Variants in TWSG1 observed in about 807,000 individuals in gnomAD.
TWSG1 encodes the protein twisted gastrulation protein homolog 1.
In TWSG1, 15 loss-of-function variants were observed where a neutral mutation model predicts 23.0. The ratio of observed to expected loss-of-function variants is 0.65; its 90% CI spans 0.44 to 1.00. The LOEUF is 1.00. TWSG1 is among the 50% of genes least tolerant of loss of function. The pLI is 0.00. For missense variants in TWSG1, 242 were observed against 278.7 expected (o/e 0.87, Z 0.94); for synonymous variants, 86 against 92.8 (o/e 0.93, Z 0.42).
At chr18:9,376,082 T>C (rs1010232421) in intron 3 of TWSG1, among the ~76,000 whole-genome samples, 4 of 152,002 alleles carry the variant, frequency 2.6e-5, no homozygotes, top group African/African-American at 9.7e-5. Flanking sequence ...GCCCAGCTAA[T>C]TTTTTTGTAT....
intron 2 of TWSG1, among the ~76,000 whole-genome samples, chr18:9,340,917 T>C (rs767076734): frequency 6.6e-6 from 1 of 152,232 alleles, no homozygotes; most frequent in Non-Finnish European, 1.5e-5. Context: ...TGGCCACGTA[T>C]TGGACATTGA....
At chr18:9,350,419 A>G (rs1397695784) in intron 2 of TWSG1, among the ~76,000 whole-genome samples, 2 of 152,200 alleles carry the variant, frequency 1.3e-5, no homozygotes, top group South Asian at 4.1e-4. Context: ...TCAAACATAC[A>G]TAAAGTAGGA....
chr18:9,344,241 C>G (rs1282152282), intron 2 of TWSG1, among the ~76,000 whole-genome samples: 4 of 152,088 alleles, frequency 2.6e-5, no homozygotes, highest in Non-Finnish European at 2.9e-5. Flanking sequence ...TTGTATATAC[C>G]TAGGAGTAGA....
chr18:9,340,383 A>G (rs982749438), intron 2 of TWSG1, among the ~76,000 whole-genome samples: 7 of 151,194 alleles, frequency 4.6e-5, no homozygotes, highest in East Asian at 1.9e-4. Flanking sequence ...AAAAAAAAAA[A>G]AAAAAAAGAA....
At chr18:9,394,914 A>C (rs2040728019) in intron 3 of TWSG1, among the ~76,000 whole-genome samples, 2 of 152,318 alleles carry the variant, frequency 1.3e-5, no homozygotes, top group Admixed American at 1.3e-4. Context: ...AAAAATTGGC[A>C]TACAGCCCTC....
intron 3 of TWSG1, among the ~76,000 whole-genome samples, chr18:9,361,493 GA>G (rs1408918271): frequency 6.6e-6 from 1 of 152,164 alleles, no homozygotes; most frequent in African/African-American, 2.4e-5. Flanking sequence ...TTTGCCTCAC[GA>G]AAAGGTGGTT....
chr18:9,370,079 G>A (rs2040597481), intron 3 of TWSG1, among the ~76,000 whole-genome samples: 1 of 152,088 alleles, frequency 6.6e-6, no homozygotes, highest in South Asian at 2.1e-4. Context: ...CAGCATTTTG[G>A]GAGGCTGAGG....
chr18:9,387,729 C>T (rs935577968), intron 3 of TWSG1, among the ~76,000 whole-genome samples: 1 of 147,792 alleles, frequency 6.8e-6, no homozygotes, highest in Non-Finnish European at 1.5e-5. Flanking sequence ...GAGATCGTGC[C>T]ATTGTACTCT....
At position 9,396,403 on chromosome 18, in the gene TWSG1, G is replaced by C; in HGVS notation, c.347G>C (p.Trp116Ser). The C allele has an allele frequency of 6.2e-7, 1 of 1,614,144 alleles. No homozygotes were observed. Among genetic ancestry groups the C allele is most frequent in the Non-Finnish European group, 8.5e-7 (1 of 1,180,030 alleles). ...ACAGAAGGAGATACTCAGTTGAATT[G>C]GAACATCGTTTCTTTCCCTGTTGCA... ...ALTEGDTQLN[W>S]NIVSFPVAEE... Residue 116 changes from tryptophan (W) to serine (S), a missense_variant, in exon 4 of 5, where the codon TGG becomes TCG. By Grantham distance (177) the Trp-to-Ser change is radical. Transcript: ENST00000262120.
intron 2 of TWSG1, among the ~76,000 whole-genome samples, chr18:9,350,401 G>A (rs1273892146): frequency 3.3e-5 from 5 of 152,066 alleles, no homozygotes; most frequent in African/African-American, 9.7e-5. Flanking sequence ...TGGGACACAC[G>A]GACATTTTCA....
At chr18:9,361,129 C>A (rs2040550574) in intron 3 of TWSG1, among the ~76,000 whole-genome samples, 1 of 152,130 alleles carries the variant, frequency 6.6e-6, no homozygotes, top group Admixed American at 6.5e-5. Flanking sequence ...CATTATCTGT[C>A]TTTCTGTATT....
At chr18:9,363,034 C>G (rs552903288) in intron 3 of TWSG1, among the ~76,000 whole-genome samples, 8 of 152,308 alleles carry the variant, frequency 5.3e-5, no homozygotes, top group African/African-American at 1.9e-4. Context: ...CCTGCCGCTG[C>G]TCCTCCTTCC....
chr18:9,335,660 C>T (rs2040419647), intron 1 of TWSG1, among the ~76,000 whole-genome samples: 3 of 152,280 alleles, frequency 2.0e-5, no homozygotes, highest in Middle Eastern at 3.4e-3. Flanking sequence ...ACTTGGTATG[C>T]GGCGTTAGAT....
intron 3 of TWSG1, among the ~76,000 whole-genome samples, chr18:9,383,183 G>GTTTTTTTTTTT (rs1403740714): frequency 1.5e-4 from 11 of 75,324 alleles, no homozygotes; most frequent in African/African-American, 5.2e-4. Context: ...CGAATTACAC[G>GTTTTTTTTTTT]TTTTTTTTTT....
chr18:9,393,560 C>T (rs1229897631), intron 3 of TWSG1, among the ~76,000 whole-genome samples: 1 of 152,056 alleles, frequency 6.6e-6, no homozygotes, highest in African/African-American at 2.4e-5. Context: ...TTATTTCCAT[C>T]TGTTTATTTT....
intron 3 of TWSG1, among the ~76,000 whole-genome samples, chr18:9,373,608 T>C (rs944049046): frequency 1.3e-5 from 2 of 152,308 alleles, no homozygotes; most frequent in East Asian, 1.9e-4. Flanking sequence ...TCCACTCTTA[T>C]AGTTGAAGAC....
At chr18:9,355,164 G>T (rs984253495) in intron 2 of TWSG1, among the ~76,000 whole-genome samples, 1 of 152,128 alleles carries the variant, frequency 6.6e-6, no homozygotes, top group African/African-American at 2.4e-5. Flanking sequence ...CACCATGTTA[G>T]CCGGGATGGT....
chr18:9,383,589 C>A (rs2040669294), intron 3 of TWSG1, among the ~76,000 whole-genome samples: 1 of 152,012 alleles, frequency 6.6e-6, no homozygotes. Flanking sequence ...TGCAGTAGTT[C>A]AAGTAAAAGA....
At chr18:9,340,236 T>C (rs1009191481) in intron 2 of TWSG1, among the ~76,000 whole-genome samples, 1 of 151,550 alleles carries the variant, frequency 6.6e-6, no homozygotes, top group African/African-American at 2.4e-5. Flanking sequence ...GGCGTGGTGA[T>C]GGGCGCCTGT....
Sources: allele counts gnomAD v4.1 joint callset (sites outside exome capture counted in the v4.1 genomes callset), GRCh38; gene constraint gnomAD v4.1.1; transcripts MANE v1.5; gene names NCBI Gene and HGNC (gene_info 2026-07-23, HGNC 2026-07-21).